Variants in RAD18 observed in about 807,000 individuals in gnomAD.
RAD18 encodes RAD18 E3 ubiquitin protein ligase.
A neutral mutation model predicts 60.4 loss-of-function variants in RAD18; 47 were observed. That is an observed-to-expected ratio of 0.78 (90% CI 0.62 to 0.99). The LOEUF (loss-of-function observed/expected upper bound fraction) is 0.99. Ranked by LOEUF, RAD18 falls within the 50% of genes least tolerant of loss-of-function variation. The pLI is 0.00. For missense variants in RAD18, 640 were observed against 593.3 expected, an observed-to-expected ratio of 1.08 and a Z score of -0.82; for synonymous variants, 225 against 195.5, an observed-to-expected ratio of 1.15 and a Z score of -1.26.
intron 7 of RAD18, among the ~76,000 whole-genome samples, chr3:8,928,975 A>C (rs1243708735): frequency 6.6e-6 from 1 of 152,210 alleles, no homozygotes; most frequent in Admixed American, 6.5e-5. Flanking sequence ...ATCTTTAAAA[A>C]TTAAACAATA....
rs531210980 is a variant in RAD18, at chr3:8,926,151, A to G, written c.889+9720T>C. 3.9e-3 allele frequency among the ~76,000 whole-genome samples: 599 copies of G among 152,294 alleles called. 7 individuals are homozygous for G. The highest frequency in any genetic ancestry group is 0.014 in the African/African-American group (574 of 41,550). On this transcript the variant is annotated intron_variant, in intron 7 of 12. Transcript: ENST00000264926. ...CTGTTTGCAGATGACATGACTGTAT[A>G]TCTAGAAAACCCCATCGTCTCAGCC...
At chr3:8,916,986 C>G (rs1218051453) in intron 7 of RAD18, among the ~76,000 whole-genome samples, 10 of 151,964 alleles carry the variant, frequency 6.6e-5, no homozygotes, top group Admixed American at 6.6e-4. Context: ...GCAAGAATTT[C>G]AAAGATCAAG....
chr3:8,934,543 T>A (rs141996649), intron 7 of RAD18, among the ~76,000 whole-genome samples: 2,414 of 152,332 alleles, frequency 0.016, 58 homozygotes, highest in African/African-American at 0.055. Flanking sequence ...GGTACTACCA[T>A]GGACCCACTA....
chr3:8,944,369 A>G (rs750098609), intron 4 of RAD18, among the ~76,000 whole-genome samples: 20 of 152,218 alleles, frequency 1.3e-4, no homozygotes, highest in Admixed American at 2.6e-4. Flanking sequence ...ATATTTAAGG[A>G]AGCTTTGTTT....
intron 12 of RAD18, among the ~76,000 whole-genome samples, chr3:8,887,477 C>T (rs1176375967): frequency 4.6e-5 from 7 of 152,166 alleles, no homozygotes; most frequent in African/African-American, 1.7e-4. Context: ...ACTGAGACCC[C>T]AAAATGTGAA....
intron 7 of RAD18, among the ~76,000 whole-genome samples, chr3:8,915,006 G>A (rs932552956): frequency 9.2e-5 from 14 of 151,876 alleles, no homozygotes; most frequent in Non-Finnish European, 1.8e-4. Context: ...AAAATTAGCC[G>A]GGTGTGGTGG....
chr3:8,925,863 C>A (rs1313231050), intron 7 of RAD18, among the ~76,000 whole-genome samples: 1 of 152,158 alleles, frequency 6.6e-6, no homozygotes, highest in Non-Finnish European at 1.5e-5. Context: ...ATTCAACAGC[C>A]CTTCATGCTA....
chr3:8,900,596 C>T (rs528257822), intron 10 of RAD18, among the ~76,000 whole-genome samples: 1 of 152,130 alleles, frequency 6.6e-6, no homozygotes, highest in South Asian at 2.1e-4. Flanking sequence ...AAATAGAGCC[C>T]CGAAGAGTGA....
Position 8,961,647 on chromosome 3 carries a change from T to C in RAD18, c.51+1688A>G, listed in dbSNP as rs568125387. Among the ~76,000 whole-genome samples the C allele has an allele frequency of 4.6e-5, 7 of 152,250 alleles. No homozygotes were observed. The South Asian group carries it at 1.5e-3, about 32-fold the overall frequency. On this transcript the variant is annotated intron_variant, in intron 1 of 12. Transcript: ENST00000264926. Reference sequence around the variant, plus strand: ...ATTAGGTGAGAAATTGGCAGATGTGTTATAAAGGAGATTAAAATACTGAAA... The same window carrying C: ...ATTAGGTGAGAAATTGGCAGATGTGCTATAAAGGAGATTAAAATACTGAAA...
At chr3:8,929,080 G>A (rs1363132278) in intron 7 of RAD18, among the ~76,000 whole-genome samples, 1 of 152,082 alleles carries the variant, frequency 6.6e-6, no homozygotes, top group East Asian at 1.9e-4. Context: ...ATCAATGTCT[G>A]TGAATAGAGG....
Position 8,941,621 on chromosome 3 carries a change from TATC to T in RAD18, c.447_449del (p.Ile150del). On this transcript the variant is annotated inframe_deletion, in exon 5 of 13. Coordinates refer to ENST00000264926, the MANE Select transcript of RAD18 (RefSeq NM_020165.4). ...GGCTGAATTTGCTTTTATTTTCTTT[TATC>T]AACAACTCTGATGTAGAACCACTCA... is the stretch of plus-strand genomic sequence containing the variant. 6.2e-7 allele frequency: 1 copy of T among 1,614,190 alleles called. No homozygotes were observed. The highest frequency in any genetic ancestry group is 8.5e-7 in the Non-Finnish European group (1 of 1,180,024).
chr3:8,941,643 C>A lies in RAD18; in HGVS notation c.428G>T (p.Gly143Val). Residue 143 changes from glycine to valine, a missense_variant, in exon 5 of 13, where the codon GGT (glycine) becomes GTT (valine). Gly to Val is a moderately radical substitution (Grantham distance 109, BLOSUM62 -3). Transcript: ENST00000264926. The stretch of plus-strand genomic sequence containing the variant: ...TTTTATCAACAACTCTGATGTAGAA[C>A]CACTCATTTCTCTGATCAAGAAATT... ...MDNFLIREMS[G>V]STSELLIKEN... 1 of 1,614,074 alleles carries A rather than the reference C, an allele frequency of 6.2e-7. No individual in the cohort carries two copies. Among genetic ancestry groups the A allele is most frequent in the Non-Finnish European group, 8.5e-7 (1 of 1,180,004 alleles).
At chr3:8,921,933 A>T (rs963402414) in intron 7 of RAD18, among the ~76,000 whole-genome samples, 14 of 152,258 alleles carry the variant, frequency 9.2e-5, no homozygotes, top group Non-Finnish European at 1.8e-4. Context: ...TGACAAAAAT[A>T]GTACAAAGAA....
chr3:8,955,889 A>G (rs561966143), intron 2 of RAD18, among the ~76,000 whole-genome samples: 1 of 152,344 alleles, frequency 6.6e-6, no homozygotes, highest in African/African-American at 2.4e-5. Context: ...GACATTCCAT[A>G]AAGCGCAGTG....
At chr3:8,945,773 A>G (rs1328773348) in intron 4 of RAD18, among the ~76,000 whole-genome samples, 1 of 152,096 alleles carries the variant, frequency 6.6e-6, no homozygotes, top group Non-Finnish European at 1.5e-5. Flanking sequence ...CCCGGCCTCC[A>G]TCTTCATTTT....
intron 11 of RAD18, 65 bp from the exon 12 acceptor site, chr3:8,890,516 A>C: frequency 7.9e-7 from 1 of 1,266,948 alleles, no homozygotes; most frequent in East Asian, 2.3e-5. Context: ...ATTTATATAA[A>C]ATTCTAGAAA....
At chr3:8,932,849 G>A (rs1180673800) in intron 7 of RAD18, among the ~76,000 whole-genome samples, 1 of 152,146 alleles carries the variant, frequency 6.6e-6, no homozygotes, top group African/African-American at 2.4e-5. Context: ...TGTAATCCCA[G>A]CATTTTGGGA....
At chr3:8,926,121 T>C (rs1417590717) in intron 7 of RAD18, among the ~76,000 whole-genome samples, 3 of 152,088 alleles carry the variant, frequency 2.0e-5, no homozygotes, top group African/African-American at 7.2e-5. Context: ...GAAGTCAAAT[T>C]GTCCCTGTTT....
intron 4 of RAD18, among the ~76,000 whole-genome samples, chr3:8,944,179 A>G (rs931202361): frequency 1.3e-5 from 2 of 152,218 alleles, no homozygotes; most frequent in Non-Finnish European, 2.9e-5. Flanking sequence ...TAAAACAACA[A>G]ATTTTAAATT....
Sources: allele counts gnomAD v4.1 joint callset (sites outside exome capture counted in the v4.1 genomes callset), GRCh38; gene constraint gnomAD v4.1.1; transcripts MANE v1.5; gene names NCBI Gene and HGNC (gene_info 2026-07-23, HGNC 2026-07-21).